Variants in SAMD3 observed in about 807,000 individuals in gnomAD.
SAMD3 encodes sterile alpha motif domain containing 3, also known as sterile alpha motif domain-containing protein 3.
In SAMD3, 63 loss-of-function variants were observed where a neutral mutation model predicts 58.5. That is an observed-to-expected ratio of 1.08 (90% CI 0.88 to 1.33). The LOEUF is 1.33. Among genes scored for constraint, SAMD3 ranks in the 40% most tolerant of loss-of-function variants. The pLI is 0.00. For missense variants in SAMD3, 604 were observed against 608.4 expected (o/e 0.99, Z 0.08); for synonymous variants, 220 against 210.3 (o/e 1.05, Z -0.40).
chr6:130,358,656 C>T (rs1309159660), intron 1 of SAMD3, among the ~76,000 whole-genome samples: 1 of 151,486 alleles, frequency 6.6e-6, no homozygotes, highest in African/African-American at 2.4e-5. Flanking sequence ...TAGAGTAATA[C>T]CCTTACTCTT....
At chr6:130,242,850 G>GC (rs1432780634) in intron 2 of SAMD3, among the ~76,000 whole-genome samples, 5 of 152,206 alleles carry the variant, frequency 3.3e-5, no homozygotes, top group African/African-American at 1.2e-4. Context: ...TGGTGGCTGA[G>GC]CCGGCATCCC....
At chr6:130,263,574 A>G (rs1774221182) in intron 2 of SAMD3, among the ~76,000 whole-genome samples, 1 of 152,138 alleles carries the variant, frequency 6.6e-6, no homozygotes, top group African/African-American at 2.4e-5. Context: ...TACCAAACTA[A>G]AGCTAAGAAA....
intron 8 of SAMD3, among the ~76,000 whole-genome samples, chr6:130,164,605 C>T (rs1790559603): frequency 6.6e-6 from 1 of 152,072 alleles, no homozygotes; most frequent in Admixed American, 6.6e-5. Context: ...GATTACACTG[C>T]CGCACCTGAT....
intron 2 of SAMD3, among the ~76,000 whole-genome samples, chr6:130,242,078 C>CA (rs1373714005): frequency 6.6e-6 from 1 of 152,084 alleles, no homozygotes; most frequent in Non-Finnish European, 1.5e-5. Flanking sequence ...CCAGCAGCAA[C>CA]AAAAAACAGT....
intron 8 of SAMD3, among the ~76,000 whole-genome samples, chr6:130,155,396 G>T (rs1204896566): frequency 6.6e-6 from 1 of 152,144 alleles, no homozygotes; most frequent in Non-Finnish European, 1.5e-5. Context: ...TTAAGGTTTT[G>T]TTATTACTAT....
At chr6:130,285,069 C>A (rs1775110069) in intron 2 of SAMD3, among the ~76,000 whole-genome samples, 2 of 152,040 alleles carry the variant, frequency 1.3e-5, no homozygotes, top group African/African-American at 4.8e-5. Context: ...AGTTAGTATT[C>A]AATGGTTAAA....
At chr6:130,344,825 C>CAAAAAAAAAAAAAAAAAAAAA in intron 1 of SAMD3, among the ~76,000 whole-genome samples, 1 of 41,102 alleles carries the variant, frequency 2.4e-5, no homozygotes, top group Non-Finnish European at 4.2e-5. Flanking sequence ...ACAACAACAG[C>CAAAAAAAAAAAAAAAAAAAAA]AAAAAAAAAA....
At chr6:130,262,144 G>A (rs1051781060) in intron 2 of SAMD3, among the ~76,000 whole-genome samples, 33 of 152,048 alleles carry the variant, frequency 2.2e-4, no homozygotes, top group African/African-American at 5.5e-4. Context: ...GGTATTCTTC[G>A]TAAGCCTATA....
rs79592589 is a variant in SAMD3 at position 130,176,506 on chromosome 6, G to A, written c.655-498C>T. ...CCTAAGTGTGTGTGGTGCCTCTACTGTTTCAAACAAAAAGACCAACTCCCC... is the reference window on the plus strand; with the variant it reads ...CCTAAGTGTGTGTGGTGCCTCTACTATTTCAAACAAAAAGACCAACTCCCC... On this transcript the variant is annotated intron_variant, in intron 7 of 11. Transcript: ENST00000439090. Among the ~76,000 whole-genome samples the A allele has an allele frequency of 2.0e-5, 3 of 152,310 alleles. No homozygotes were observed. In the South Asian group the frequency reaches 6.2e-4, roughly 32 times the overall value.
intron 1 of SAMD3, among the ~76,000 whole-genome samples, chr6:130,322,990 A>T (rs1031650932): frequency 6.6e-6 from 1 of 152,202 alleles, no homozygotes; most frequent in Non-Finnish European, 1.5e-5. Context: ...ATGGAATAAT[A>T]GATGGAAAGT....
intron 1 of SAMD3, among the ~76,000 whole-genome samples, chr6:130,349,268 CA>C (rs936999696): frequency 3.3e-5 from 5 of 151,852 alleles, no homozygotes; most frequent in African/African-American, 9.7e-5. Flanking sequence ...AAAAACCCTT[CA>C]AAAAATCAAT....
intron 2 of SAMD3, among the ~76,000 whole-genome samples, chr6:130,273,595 T>C (rs148261513): frequency 0.013 from 1,853 of 138,786 alleles, 17 homozygotes; most frequent in Non-Finnish European, 0.02. Flanking sequence ...TTTCTTGGCA[T>C]TTTATTGATT....
chr6:130,294,260 G>T (rs965464629), intron 2 of SAMD3, among the ~76,000 whole-genome samples: 7 of 152,042 alleles, frequency 4.6e-5, no homozygotes, highest in African/African-American at 1.7e-4. Context: ...TATTATACTA[G>T]ACTTCAAAAG....
At chr6:130,162,198 C>T in intron 8 of SAMD3, 1 of 695,834 alleles carries the variant, frequency 1.4e-6, no homozygotes, top group Non-Finnish European at 2.6e-6. Context: ...ACTCCAACAC[C>T]ACAGTAACCT....
chr6:130,298,018 T>C (rs1024576991), intron 2 of SAMD3, among the ~76,000 whole-genome samples: 2 of 152,090 alleles, frequency 1.3e-5, no homozygotes, highest in African/African-American at 2.4e-5. Flanking sequence ...CATCCAGATA[T>C]AAGAAATTCA....
chr6:130,174,946 T>A (rs549725300), intron 8 of SAMD3, among the ~76,000 whole-genome samples: 1 of 152,376 alleles, frequency 6.6e-6, no homozygotes. Flanking sequence ...ATCTTATAAC[T>A]AGCACTAGTA....
At chr6:130,309,585 A>G (rs538421798) in intron 2 of SAMD3, among the ~76,000 whole-genome samples, 1 of 152,304 alleles carries the variant, frequency 6.6e-6, no homozygotes, top group African/African-American at 2.4e-5. Context: ...GTCCTCTTGA[A>G]GTGCTTAAGT....
chr6:130,192,661 G>T (rs1793663628), intron 5 of SAMD3, among the ~76,000 whole-genome samples: 1 of 152,154 alleles, frequency 6.6e-6, no homozygotes, highest in Non-Finnish European at 1.5e-5. Flanking sequence ...AAACAGCCAT[G>T]TTGCTCACAC....
At chr6:130,185,582 C>G (rs145095423) in intron 5 of SAMD3, among the ~76,000 whole-genome samples, 1 of 151,758 alleles carries the variant, frequency 6.6e-6, no homozygotes, top group Non-Finnish European at 1.5e-5. Flanking sequence ...CCACCTTGGC[C>G]TCCCAAAGTG....
Sources: allele counts gnomAD v4.1 joint callset (sites outside exome capture counted in the v4.1 genomes callset), GRCh38; gene constraint gnomAD v4.1.1; transcripts MANE v1.5; gene names NCBI Gene and HGNC (gene_info 2026-07-23, HGNC 2026-07-21).